KIAA1671: variants seen among roughly 807,000 people sequenced by gnomAD.
KIAA1671 encodes the protein KIAA1671, also known as uncharacterized protein KIAA1671.
Under a neutral mutation model 131.2 loss-of-function variants are expected in KIAA1671, and 52 were observed. The observed-to-expected ratio is 0.40, with a 90% CI of 0.32 to 0.50. KIAA1671 has a LOEUF of 0.50. KIAA1671 is among the 20% of genes least tolerant of loss of function. The pLI, the probability that KIAA1671 is intolerant of heterozygous loss-of-function variation, is 0.73. For missense variants in KIAA1671, 2,360 were observed against 2,364.2 expected (o/e 1.00, Z 0.04); for synonymous variants, 1,003 against 961.6 (o/e 1.04, Z -0.80).
intron 10 of KIAA1671, among the ~76,000 whole-genome samples, chr22:25,182,355 CTTCT>C (rs1282583538): frequency 1.4e-5 from 2 of 146,976 alleles, no homozygotes; most frequent in African/African-American, 5.0e-5. Context: ...CTCCCTTTCT[CTTCT>C]TTCTTTCCTC....
chr22:25,105,825 G>A (rs983608746), intron 6 of KIAA1671, among the ~76,000 whole-genome samples: 1 of 151,960 alleles, frequency 6.6e-6, no homozygotes, highest in Non-Finnish European at 1.5e-5. Context: ...AAGTTGGGGG[G>A]GGGGGGTGCC....
chr22:25,112,881 T>C (rs1179784275), intron 6 of KIAA1671, among the ~76,000 whole-genome samples: 2 of 152,276 alleles, frequency 1.3e-5, no homozygotes, highest in East Asian at 3.9e-4. Flanking sequence ...CGCTGAGTTG[T>C]AGCTTTTGTC....
intron 1 of KIAA1671, among the ~76,000 whole-genome samples, chr22:25,021,593 T>G (rs1299748677): frequency 6.6e-6 from 1 of 151,872 alleles, no homozygotes; most frequent in Non-Finnish European, 1.5e-5. Flanking sequence ...ACATAGATGC[T>G]TGATAATTGT....
rs979428952 is a variant in KIAA1671 at position 25,028,955 on chromosome 22, C to T, written c.956C>T (p.Pro319Leu). The stretch of plus-strand genomic sequence containing the variant: ...GGGGATATGGCTGGGCTAGAGAGGC[C>T]CAGAGCAGCGTCCAAGCTGGACAGG... Reference protein sequence around the residue: ...TAGDMAGLERPRAASKLDRDC... With the variant: ...TAGDMAGLERLRAASKLDRDC... Residue 319 changes from proline to leucine, a missense_variant, in exon 3 of 13, where the codon CCC (proline) becomes CTC (leucine). Physicochemically the swap from Pro to Leu is moderately conservative, Grantham distance 98. This residue lies in a region of KIAA1671 where 1,185 missense variants were observed against 1,126.2 expected (regional missense o/e 1.05). Transcript: ENST00000358431. The T allele has an allele frequency of 1.2e-5, 18 of 1,548,290 alleles. No individual in the cohort carries two copies. Among genetic ancestry groups the T allele is most frequent in the Non-Finnish European group, 1.6e-5 (18 of 1,145,568 alleles).
chr22:25,039,989 C>G lies in KIAA1671; in HGVS notation c.2859C>G (p.Pro953=). ...ACAGATGGCGGCGGCGGACTTTACC[C>G]CCCAACGTGAAATTTGATACATTCA... The part of the protein sequence containing the change: ...RMDRWRRRTL[P]PNVKFDTFSS... The change falls in exon 5 of 13, where the codon CCC becomes CCG. Residue 953 remains proline, a synonymous_variant. Coordinates refer to ENST00000358431, the MANE Select transcript of KIAA1671 (RefSeq NM_001145206.2). 1 of 1,551,304 alleles carries G rather than the reference C, an allele frequency of 6.4e-7. No homozygotes were observed. The highest frequency in any genetic ancestry group is 8.7e-7 in the Non-Finnish European group (1 of 1,146,762).
chr22:24,955,821 C>T (rs1000100826), intron 1 of KIAA1671, among the ~76,000 whole-genome samples: 3 of 151,882 alleles, frequency 2.0e-5, no homozygotes, highest in African/African-American at 7.3e-5. Context: ...GTCAGGAGAT[C>T]GAGACCATCC....
At chr22:25,187,606 C>A (rs977402924) in intron 11 of KIAA1671, among the ~76,000 whole-genome samples, 1 of 152,140 alleles carries the variant, frequency 6.6e-6, no homozygotes, top group African/African-American at 2.4e-5. Context: ...TCCCCAGTCT[C>A]AGGTGAATCC....
chr22:25,125,659 C>A (rs879559000), intron 6 of KIAA1671, among the ~76,000 whole-genome samples: 7 of 152,234 alleles, frequency 4.6e-5, no homozygotes, highest in Admixed American at 3.3e-4. Flanking sequence ...GGCCTCTGCC[C>A]ACTAGATGCC....
intron 3 of KIAA1671, among the ~76,000 whole-genome samples, chr22:25,030,605 G>A (rs1372160211): frequency 2.0e-5 from 3 of 152,134 alleles, no homozygotes; most frequent in African/African-American, 7.2e-5. Flanking sequence ...GATGTTCTAA[G>A]TCAGTTGGTT....
intron 6 of KIAA1671, among the ~76,000 whole-genome samples, chr22:25,154,089 C>A (rs1038926197): frequency 6.6e-6 from 1 of 152,196 alleles, no homozygotes; most frequent in Non-Finnish European, 1.5e-5. Flanking sequence ...AAGTAAGGTC[C>A]GGCTCCAAGG....
intron 1 of KIAA1671, among the ~76,000 whole-genome samples, chr22:25,000,492 C>CACTT: frequency 2.0e-5 from 1 of 49,660 alleles, no homozygotes; most frequent in Non-Finnish European, 4.4e-5. Context: ...CGCGCCCGGC[C>CACTT]TTTTTTTTTT....
chr22:25,171,410 A>T (rs1323885537), intron 7 of KIAA1671, among the ~76,000 whole-genome samples: 1 of 151,792 alleles, frequency 6.6e-6, no homozygotes, highest in East Asian at 1.9e-4. Context: ...TCTCAAAAAA[A>T]CAAACAAAAA....
intron 2 of KIAA1671, among the ~76,000 whole-genome samples, chr22:25,026,853 C>T (rs940620652): frequency 1.2e-4 from 18 of 152,116 alleles, no homozygotes; most frequent in African/African-American, 2.2e-4. Flanking sequence ...AGGGAGATAA[C>T]GATCATTCCT....
At chr22:25,026,637 G>A (rs1232301762) in intron 2 of KIAA1671, among the ~76,000 whole-genome samples, 1 of 152,142 alleles carries the variant, frequency 6.6e-6, no homozygotes, top group Non-Finnish European at 1.5e-5. Context: ...AGCTGAGGCA[G>A]GAGAATGGCT....
chr22:25,118,631 T>C (rs1181140721), intron 6 of KIAA1671, among the ~76,000 whole-genome samples: 1 of 151,328 alleles, frequency 6.6e-6, no homozygotes, highest in Non-Finnish European at 1.5e-5. Context: ...CCCCACACAC[T>C]CCCCACAGCT....
chr22:25,020,978 G>A (rs1055721721), intron 1 of KIAA1671, among the ~76,000 whole-genome samples: 9 of 152,162 alleles, frequency 5.9e-5, no homozygotes, highest in South Asian at 2.1e-4. Flanking sequence ...ACATCCTGGC[G>A]CTTGCACGTT....
intron 6 of KIAA1671, chr22:25,058,996 A>G (rs897284804): frequency 1.3e-5 from 2 of 152,096 alleles, no homozygotes; most frequent in East Asian, 3.9e-4. Flanking sequence ...ATTCCCTCAC[A>G]GCACCCCCAT....
At chr22:25,015,453 T>C (rs1883282) in intron 1 of KIAA1671, among the ~76,000 whole-genome samples, 30,067 of 151,846 alleles carry the variant, frequency 0.2, 3,174 homozygotes, top group East Asian at 0.45. Flanking sequence ...AAAAATAGCA[T>C]AAATTGTAGG....
intron 4 of KIAA1671, among the ~76,000 whole-genome samples, chr22:25,034,003 T>C (rs1926448774): frequency 6.6e-6 from 1 of 151,614 alleles, no homozygotes; most frequent in African/African-American, 2.4e-5. Context: ...ACAGTCAGAA[T>C]AGCGAACATC....
Sources: allele counts gnomAD v4.1 joint callset (sites outside exome capture counted in the v4.1 genomes callset), GRCh38; gene constraint gnomAD v4.1.1; regional missense constraint gnomAD v4.1.1; transcripts MANE v1.5; gene names NCBI Gene and HGNC (gene_info 2026-07-23, HGNC 2026-07-21).